Variants in LPCAT3 observed in about 807,000 individuals in gnomAD.
The protein encoded by LPCAT3 is lysophospholipid acyltransferase 5.
In LPCAT3, 21 loss-of-function variants were observed where a neutral mutation model predicts 63.4. The observed-to-expected ratio is 0.33, with a 90% CI of 0.23 to 0.48. The LOEUF is 0.48. Ranked by LOEUF, LPCAT3 falls within the 20% of genes least tolerant of loss-of-function variation. The probability of loss-of-function intolerance (pLI) is 0.99; values close to 1 mark genes in which losing one functional copy is unlikely to be tolerated. For missense variants in LPCAT3, 451 were observed against 590.6 expected, an observed-to-expected ratio of 0.76 and a Z score of 2.45; for synonymous variants, 242 against 227.5, an observed-to-expected ratio of 1.06 and a Z score of -0.58.
intron 1 of LPCAT3, among the ~76,000 whole-genome samples, chr12:6,983,815 T>G (rs995483578): frequency 2.6e-5 from 4 of 152,180 alleles, no homozygotes; most frequent in Non-Finnish European, 5.9e-5. Context: ...TATGAACTAT[T>G]GCCAGACATT....
intron 1 of LPCAT3, chr12:6,997,098 T>C (rs141218201): frequency 3.3e-5 from 5 of 152,358 alleles, no homozygotes; most frequent in African/African-American, 1.2e-4. Flanking sequence ...CTTCAGGTCT[T>C]CAAACCTTTT....
chr12:6,978,559 C>T (rs1477583784), intron 8 of LPCAT3, 44 bp downstream of exon 8: 28 of 1,613,148 alleles, frequency 1.7e-5, no homozygotes, highest in Non-Finnish European at 2.4e-5. Flanking sequence ...TACTGGCCCC[C>T]ATGGCTTGTC....
At chr12:6,978,221 C>T (rs1339395176) in intron 9 of LPCAT3, 120 bp downstream of exon 9, 29 of 1,200,518 alleles carry the variant, frequency 2.4e-5, no homozygotes, top group Non-Finnish European at 2.9e-5. Flanking sequence ...GTGTGAGCGA[C>T]AGGGGGTTCT....
At position 6,998,282 on chromosome 12, in the gene LPCAT3, T is replaced by C. The variant is rs781822500; in HGVS notation, c.152-14743A>G. ...CCTCCTGCCTCAGCCTCACAAAGTA[T>C]TGGCATTACAGGTGTGAGCTACTAT... On this transcript the variant is annotated intron_variant, in intron 1 of 12. Coordinates refer to ENST00000261407, the MANE Select transcript of LPCAT3 (RefSeq NM_005768.6). Among the ~76,000 whole-genome samples the C allele has an allele frequency of 2.6e-5, 4 of 152,370 alleles. No individual in the cohort carries two copies. The East Asian group carries it at 7.7e-4, about 29-fold the overall frequency.
At chr12:6,998,137 C>T (rs185137110) in intron 1 of LPCAT3, among the ~76,000 whole-genome samples, 110 of 152,258 alleles carry the variant, frequency 7.2e-4, no homozygotes, top group Admixed American at 2.0e-3. Flanking sequence ...GACCTCAGAC[C>T]CCTGAGTAGC....
intron 1 of LPCAT3, among the ~76,000 whole-genome samples, chr12:7,009,544 C>T (rs1419891106): frequency 6.6e-6 from 1 of 152,212 alleles, no homozygotes; most frequent in Non-Finnish European, 1.5e-5. Flanking sequence ...ACCAAAGAAT[C>T]TGCATTTCTA....
intron 1 of LPCAT3, among the ~76,000 whole-genome samples, chr12:7,011,889 T>C (rs1334454015): frequency 1.3e-5 from 2 of 152,202 alleles, no homozygotes; most frequent in African/African-American, 4.8e-5. Context: ...GTTTCATTAA[T>C]GCTGCTTAAT....
intron 1 of LPCAT3, among the ~76,000 whole-genome samples, chr12:7,002,367 C>T (rs949413718): frequency 4.6e-5 from 7 of 152,192 alleles, no homozygotes; most frequent in African/African-American, 1.7e-4. Context: ...ACAAAAGGTC[C>T]GTGCTCCTCT....
At chr12:7,015,448 TCTAGGTTA>T (rs1946791657) in intron 1 of LPCAT3, among the ~76,000 whole-genome samples, 1 of 152,256 alleles carries the variant, frequency 6.6e-6, no homozygotes, top group Admixed American at 6.5e-5. Context: ...GCTACTGGTT[TCTAGGTTA>T]CAATACACAG....
chr12:7,006,358 A>G (rs1241539866), intron 1 of LPCAT3, among the ~76,000 whole-genome samples: 1 of 152,198 alleles, frequency 6.6e-6, no homozygotes, highest in Non-Finnish European at 1.5e-5. Flanking sequence ...AGCTGGGATT[A>G]CAGGTGTGTG....
chr12:6,989,594 G>A (rs1438039462), intron 1 of LPCAT3, among the ~76,000 whole-genome samples: 2 of 152,006 alleles, frequency 1.3e-5, no homozygotes, highest in South Asian at 2.1e-4. Flanking sequence ...CACCGTGCCC[G>A]GCCAATGCTG....
chr12:6,978,457 C>A lies in LPCAT3; in HGVS notation c.924G>T (p.Lys308Asn). 1 of 1,614,140 alleles carries A rather than the reference C, an allele frequency of 6.2e-7. No homozygotes were observed. The highest frequency in any genetic ancestry group is 8.5e-7 in the Non-Finnish European group (1 of 1,180,006). ...CACAGGCATCCCACTTTGCCTTGCC[C>A]TTTTCTTCAAAGCCATTGAAGCCCA... is the stretch of plus-strand genomic sequence containing the variant. The part of the protein sequence containing the change: ...TGLGFNGFEE[K>N]GKAKWDACAN... The change falls in exon 9 of 13, where the codon AAG becomes AAT. Residue 308 changes from lysine (K) to asparagine (N), a missense_variant. Around this residue, in one of 3 missense-constraint regions of LPCAT3, gnomAD observed 304 missense variants for 390.8 expected, o/e 0.78. Coordinates refer to ENST00000261407, the MANE Select transcript of LPCAT3 (RefSeq NM_005768.6).
chr12:7,005,142 CT>C (rs1429769472), intron 1 of LPCAT3, among the ~76,000 whole-genome samples: 1 of 152,168 alleles, frequency 6.6e-6, no homozygotes, highest in Non-Finnish European at 1.5e-5. Flanking sequence ...TATTTTCTGT[CT>C]TTACGAATTA....
At chr12:6,983,346 T>A in intron 2 of LPCAT3, 86 bp downstream of exon 2, 1 of 849,564 alleles carries the variant, frequency 1.2e-6, no homozygotes, top group Non-Finnish European at 2.0e-6. Context: ...CCCTACCTAT[T>A]AGATTCTCTC....
At chr12:7,016,678 C>T (rs369912412) in intron 1 of LPCAT3, among the ~76,000 whole-genome samples, 18 of 152,330 alleles carry the variant, frequency 1.2e-4, no homozygotes, top group Admixed American at 9.1e-4. Context: ...TAAGCCGCTG[C>T]GTCCTGTCAA....
intron 1 of LPCAT3, among the ~76,000 whole-genome samples, chr12:6,989,600 TG>T: frequency 6.6e-6 from 1 of 152,134 alleles, no homozygotes; most frequent in Non-Finnish European, 1.5e-5. Flanking sequence ...GCCCGGCCAA[TG>T]CTGTGGTCTT....
intron 1 of LPCAT3, among the ~76,000 whole-genome samples, chr12:7,014,913 A>C (rs1210866680): frequency 6.6e-6 from 1 of 151,996 alleles, no homozygotes; most frequent in African/African-American, 2.4e-5. Context: ...AAAAAAAAAA[A>C]ATTGCAGCCT....
At chr12:6,995,828 T>A (rs1428006855) in intron 1 of LPCAT3, among the ~76,000 whole-genome samples, 2 of 152,080 alleles carry the variant, frequency 1.3e-5, no homozygotes, top group Admixed American at 1.3e-4. Context: ...TCTGACCACT[T>A]CTCTCCGCCT....
At chr12:6,997,414 T>C in intron 1 of LPCAT3, 1 of 154,682 alleles carries the variant, frequency 6.5e-6, no homozygotes, top group Non-Finnish European at 1.4e-5. Flanking sequence ...TGTGTGTGTG[T>C]GTGTGTGTGT....
Sources: gnomAD v4.1 joint callset for allele counts (sites outside exome capture counted in the v4.1 genomes callset) on GRCh38, gnomAD v4.1.1 for gene constraint, gnomAD v4.1.1 regional missense constraint, MANE v1.5 for transcripts, NCBI Gene and HGNC (gene_info 2026-07-23, HGNC 2026-07-21) for gene names.